Variants in FXYD6 observed in about 807,000 individuals in gnomAD.
FXYD6 encodes the protein FXYD domain-containing ion transport regulator 6.
FXYD6 carries 7 observed loss-of-function variants against 16.7 expected under a neutral mutation model. The ratio of observed to expected loss-of-function variants is 0.42; its 90% CI spans 0.24 to 0.79. The LOEUF is 0.79. Ranked by LOEUF, FXYD6 falls within the 30% of genes least tolerant of loss-of-function variation. The pLI, the probability that FXYD6 is intolerant of heterozygous loss-of-function variation, is 0.28. For synonymous variants in FXYD6, 49 were observed against 43.0 expected, an observed-to-expected ratio of 1.14 and a Z score of -0.54; for missense variants, 111 against 116.2, an observed-to-expected ratio of 0.95 and a Z score of 0.21.
In FXYD6 at chr11:117,837,980, C is replaced by G; in HGVS notation, c.*319G>C. 1 of 566,442 alleles carries G rather than the reference C, an allele frequency of 1.8e-6. No homozygotes were observed. The highest frequency in any genetic ancestry group is 3.2e-6 in the Non-Finnish European group (1 of 315,630). 35.1% of individuals were successfully genotyped at this position (566,442 alleles called of 1,614,324 possible). On this transcript the variant is annotated 3_prime_UTR_variant, in exon 8 of 8. Transcript: ENST00000526014. The surrounding 1 kb of genome is among the most constrained non-coding windows in gnomAD (Gnocchi z 4.4). ...GGAAAGCGAGTCCACAGTTCACTAA[C>G]AAACACAATACCATCCACAAACAAG...
chr11:117,850,995 C>G (rs1303249614), intron 1 of FXYD6, among the ~76,000 whole-genome samples: 3 of 152,162 alleles, frequency 2.0e-5, no homozygotes, highest in Non-Finnish European at 4.4e-5. Context: ...AAATCATCCC[C>G]TTCCTGATAC....
In FXYD6 at chr11:117,872,799, C is replaced by T. The variant is rs966226662; in HGVS notation, c.-6+3793G>A. ...TCCCAGGTCGGGACCTCTCCCTCCC[C>T]GGATTCTGGAGCAGAGATGATGCTG... is the stretch of plus-strand genomic sequence containing the variant. On this transcript the variant is annotated intron_variant, in intron 1 of 7. Transcript: ENST00000526014. The surrounding 1 kb of genome is among the most constrained non-coding windows in gnomAD (Gnocchi z 4.9). Among the ~76,000 whole-genome samples, 9 of 152,192 alleles carry T rather than the reference C, an allele frequency of 5.9e-5. No homozygotes were observed. The highest frequency in any genetic ancestry group is 1.4e-4 in the African/African-American group (6 of 41,436).
Position 117,865,394 on chromosome 11 carries a change from T to C in FXYD6, c.-6+11198A>G, listed in dbSNP as rs934759889. 2.0e-5 allele frequency among the ~76,000 whole-genome samples: 3 copies of C among 152,314 alleles called. No homozygotes were observed. The East Asian group carries it at 5.8e-4, about 29-fold the overall frequency. On this transcript the variant is annotated intron_variant, in intron 1 of 7. Transcript: ENST00000526014. ...ACCCAAAAGAATTGGAAATAGAACCTTGAGGAGATATTTGTAAACCCATGT... is the reference window on the plus strand; with the variant it reads ...ACCCAAAAGAATTGGAAATAGAACCCTGAGGAGATATTTGTAAACCCATGT...
At chr11:117,848,261 A>G (rs556001584) in intron 1 of FXYD6, among the ~76,000 whole-genome samples, 2 of 152,228 alleles carry the variant, frequency 1.3e-5, no homozygotes, top group South Asian at 2.1e-4. Flanking sequence ...CTGGTTTCCA[A>G]GCTGTTTCTG....
chr11:117,843,788 C>A (rs1398238409), intron 1 of FXYD6: 1 of 152,244 alleles, frequency 6.6e-6, no homozygotes, highest in Non-Finnish European at 1.5e-5. Flanking sequence ...TCTGCTTCCC[C>A]AGAGGATGCG....
chr11:117,855,687 T>G (rs2056709327), intron 1 of FXYD6, among the ~76,000 whole-genome samples: 1 of 151,428 alleles, frequency 6.6e-6, no homozygotes, highest in South Asian at 2.1e-4. Context: ...GAAGGAGGAG[T>G]CACTGGGGGA....
At chr11:117,849,046 T>C (rs936668394) in intron 1 of FXYD6, among the ~76,000 whole-genome samples, 11 of 152,208 alleles carry the variant, frequency 7.2e-5, no homozygotes, top group Admixed American at 3.3e-4. Context: ...ACCTAGTTCA[T>C]TAATATTTAG....
At chr11:117,869,596 A>T (rs1184965135) in intron 1 of FXYD6, among the ~76,000 whole-genome samples, 1 of 152,152 alleles carries the variant, frequency 6.6e-6, no homozygotes. Flanking sequence ...ACTTATTTTT[A>T]ACCTGGAGGC....
chr11:117,865,526 T>G (rs1212226098), intron 1 of FXYD6, among the ~76,000 whole-genome samples: 1 of 152,232 alleles, frequency 6.6e-6, no homozygotes, highest in Non-Finnish European at 1.5e-5. Flanking sequence ...AGGAATATTA[T>G]TCAACCTTAA....
intron 7 of FXYD6, 133 bp downstream of exon 7, chr11:117,839,648 T>C (rs1394593975): frequency 4.6e-6 from 5 of 1,077,908 alleles, no homozygotes; most frequent in Non-Finnish European, 6.9e-6. Flanking sequence ...TGAAGGCTCC[T>C]CAGGGCAGGG....
rs963369524 is a variant in FXYD6 at position 117,870,916 on chromosome 11, G to C, written c.-6+5676C>G. On this transcript the variant is annotated intron_variant, in intron 1 of 7. Transcript: ENST00000526014. This position sits in a 1 kb window ranked among gnomAD's most constrained non-coding sequence, Gnocchi z 4.2. ...ATCCCTGGCACTGAGCACAGCAGCTGCTCAATAAATGTTGATGTGTGAATG... is the reference window on the plus strand; with the variant it reads ...ATCCCTGGCACTGAGCACAGCAGCTCCTCAATAAATGTTGATGTGTGAATG... Among the ~76,000 whole-genome samples the C allele has an allele frequency of 1.3e-5, 2 of 152,156 alleles. No homozygotes were observed. Among genetic ancestry groups the C allele is most frequent in the Non-Finnish European group, 2.9e-5 (2 of 68,030 alleles).
intron 1 of FXYD6, among the ~76,000 whole-genome samples, chr11:117,857,814 C>A (rs1377167462): frequency 6.6e-6 from 1 of 152,108 alleles, no homozygotes; most frequent in Non-Finnish European, 1.5e-5. Flanking sequence ...CTCTTGGAGA[C>A]AAAGGACTGG....
chr11:117,864,595 T>G (rs908795810), intron 1 of FXYD6, among the ~76,000 whole-genome samples: 34 of 148,900 alleles, frequency 2.3e-4, no homozygotes, highest in Admixed American at 2.2e-3. Flanking sequence ...AAATTGCACG[T>G]TTTTTTTTTG....
Position 117,837,386 on chromosome 11 carries a change from C to T in FXYD6, c.*913G>A, listed in dbSNP as rs1440372058. 6.5e-6 allele frequency: 1 copy of T among 152,718 alleles called. No homozygotes were observed. The highest frequency in any genetic ancestry group is 1.9e-4 in the East Asian group (1 of 5,202). 9.5% of individuals were successfully genotyped at this position (152,718 alleles called of 1,614,324 possible). A position where few individuals can be genotyped will look rare whatever the true frequency, so the allele number is the denominator to read the frequency against. Reference sequence around the variant, plus strand: ...CCTGCCAGAGACCCAATTGCAGGGACTGTAGTCTGCATCTGGATGAGCTGG... The same window carrying T: ...CCTGCCAGAGACCCAATTGCAGGGATTGTAGTCTGCATCTGGATGAGCTGG... On this transcript the variant is annotated 3_prime_UTR_variant, in exon 8 of 8. Transcript: ENST00000526014. The surrounding 1 kb of genome is among the most constrained non-coding windows in gnomAD (Gnocchi z 4.4).
rs774286446 is a variant in FXYD6, at chr11:117,870,157, C to A, written c.-6+6435G>T. ...AACAGTACTGCGAGGCCAACTCAGG[C>A]ACAGGCCAATGCCGCGCCTTGCCCA... On this transcript the variant is annotated intron_variant, in intron 1 of 7. Transcript: ENST00000526014. The surrounding 1 kb of genome is among the most constrained non-coding windows in gnomAD (Gnocchi z 4.2). 1.3e-5 allele frequency among the ~76,000 whole-genome samples: 2 copies of A among 152,284 alleles called. No homozygotes were observed. Among genetic ancestry groups the A allele is most frequent in the Non-Finnish European group, 2.9e-5 (2 of 68,054 alleles).
chr11:117,871,244 G>T (rs1591596841), intron 1 of FXYD6, among the ~76,000 whole-genome samples: 1 of 152,286 alleles, frequency 6.6e-6, no homozygotes, highest in Admixed American at 6.5e-5. Flanking sequence ...GGTAATAAAG[G>T]GATGTGCATC....
chr11:117,863,205 T>A (rs1191632398), intron 1 of FXYD6, among the ~76,000 whole-genome samples: 1 of 152,176 alleles, frequency 6.6e-6, no homozygotes, highest in Non-Finnish European at 1.5e-5. Flanking sequence ...CCACTCTTTC[T>A]TGCTGCCTCC....
At chr11:117,867,548 C>T (rs1335632831) in intron 1 of FXYD6, among the ~76,000 whole-genome samples, 1 of 152,118 alleles carries the variant, frequency 6.6e-6, no homozygotes, top group African/African-American at 2.4e-5. Flanking sequence ...TTCTGAATAC[C>T]TCCCTCCCAA....
chr11:117,842,620 C>T, intron 2 of FXYD6, 99 bp downstream of exon 2: 1 of 1,227,448 alleles, frequency 8.1e-7, no homozygotes, highest in Admixed American at 2.2e-5. Flanking sequence ...ACGTGAGAGT[C>T]CCCCAGCCCT....
Sources: gnomAD v4.1 joint callset for allele counts (sites outside exome capture counted in the v4.1 genomes callset) on GRCh38, gnomAD v4.1.1 for gene constraint, Gnocchi (gnomAD v3.1) non-coding constraint, MANE v1.5 for transcripts, NCBI Gene and HGNC (gene_info 2026-07-23, HGNC 2026-07-21) for gene names.